BRAF: variants seen among roughly 807,000 people sequenced by gnomAD.
BRAF encodes serine/threonine-protein kinase B-raf.
Under a neutral mutation model 104.6 loss-of-function variants are expected in BRAF, and 16 were observed. The observed-to-expected ratio is 0.15, with a 90% CI of 0.10 to 0.23. The LOEUF is 0.23. BRAF is among the 10% of genes least tolerant of loss of function. The probability of loss-of-function intolerance (pLI) is 1.00; values close to 1 mark genes in which losing one functional copy is unlikely to be tolerated. For synonymous variants in BRAF, 310 were observed against 341.6 expected (o/e 0.91, Z 1.02); for missense variants, 541 against 937.3 (o/e 0.58, Z 5.52).
intron 16 of BRAF, among the ~76,000 whole-genome samples, chr7:140,752,530 G>A (rs1010648842): frequency 2.6e-5 from 4 of 152,230 alleles, no homozygotes; most frequent in African/African-American, 9.7e-5. Flanking sequence ...TGATTCATAT[G>A]ACTGAGCTTT....
intron 17 of BRAF, among the ~76,000 whole-genome samples, chr7:140,745,467 AAAG>A (rs1352549380): frequency 1.3e-5 from 2 of 152,182 alleles, no homozygotes; most frequent in Non-Finnish European, 2.9e-5. Context: ...GAAGAAACAG[AAAG>A]AAGAAAAAAG....
chr7:140,813,888 T>TACAC lies in BRAF; in HGVS notation c.505-4897_505-4894dup, dbSNP rs147877017. Among the ~76,000 whole-genome samples, 632 of 147,446 alleles carry TACAC rather than the reference T, an allele frequency of 4.3e-3. 1 individual carries two copies. Among genetic ancestry groups the TACAC allele is most frequent in the African/African-American group, 7.8e-3 (314 of 40,280 alleles). ...ATGCACATGCATGCGGACGCATACATACACACACACACACACACACACACA... is the reference window on the plus strand; with the variant it reads ...ATGCACATGCATGCGGACGCATACATACACACACACACACACACACACACACACA... On this transcript the variant is annotated intron_variant, in intron 3 of 19. Transcript: ENST00000644969.
In BRAF at chr7:140,726,369, A is replaced by C; in HGVS notation, c.*125T>G. 6.7e-7 allele frequency: 1 copy of C among 1,486,924 alleles called. No individual in the cohort carries two copies. Among genetic ancestry groups the C allele is most frequent in the Non-Finnish European group, 8.9e-7 (1 of 1,126,018 alleles). The allele number at this position is 1,486,924 out of a possible 1,614,324, so 92.1% of individuals were successfully genotyped here. A position where few individuals can be genotyped will look rare whatever the true frequency, so the allele number is the denominator to read the frequency against. ...GGGAAATTCCATTCTGTTCCACATC[A>C]GCTTATGCATTGGAAATTTTGTATC... On this transcript the variant is annotated 3_prime_UTR_variant, in exon 20 of 20. Coordinates refer to ENST00000644969, the MANE Select transcript of BRAF (RefSeq NM_001374258.1).
At chr7:140,840,150 T>C (rs1807781822) in intron 2 of BRAF, among the ~76,000 whole-genome samples, 1 of 152,232 alleles carries the variant, frequency 6.6e-6, no homozygotes, top group Non-Finnish European at 1.5e-5. Context: ...AGTCACTTTA[T>C]ACTAGACTTT....
At chr7:140,756,819 T>C (rs1036153997) in intron 14 of BRAF, among the ~76,000 whole-genome samples, 2 of 152,206 alleles carry the variant, frequency 1.3e-5, no homozygotes, top group African/African-American at 4.8e-5. Context: ...TCTCATTCCT[T>C]GAAGAAAAAG....
At chr7:140,843,670 T>C (rs994275595) in intron 2 of BRAF, among the ~76,000 whole-genome samples, 1 of 152,208 alleles carries the variant, frequency 6.6e-6, no homozygotes, top group African/African-American at 2.4e-5. Flanking sequence ...CATACATATA[T>C]ACACATGTAC....
Position 140,834,533 on chromosome 7 carries a change from T to C in BRAF, c.504+76A>G, listed in dbSNP as rs71645948. 1.2e-3 allele frequency: 1,919 copies of C among 1,562,744 alleles called. 23 individuals carry two copies. In the African/African-American group the frequency reaches 0.023, roughly 19 times the overall value. ...ATGACCTCTGAGTATGAAGTAATAATATATTAATTTTCAACAACTGATCTG... is the reference window on the plus strand; with the variant it reads ...ATGACCTCTGAGTATGAAGTAATAACATATTAATTTTCAACAACTGATCTG... On this transcript the variant is annotated intron_variant, in intron 3 of 19. Coordinates refer to ENST00000644969, the MANE Select transcript of BRAF (RefSeq NM_001374258.1).
At chr7:140,799,671 A>C (rs1020894759) in intron 7 of BRAF, 2 of 232,712 alleles carry the variant, frequency 8.6e-6, no homozygotes, top group Non-Finnish European at 1.7e-5. Flanking sequence ...CACCTTCTTC[A>C]TTAAGTTTTC....
chr7:140,764,484 A>G (rs1164895553), intron 14 of BRAF, among the ~76,000 whole-genome samples: 1 of 150,860 alleles, frequency 6.6e-6, no homozygotes, highest in Non-Finnish European at 1.5e-5. Flanking sequence ...AGGGTATTCA[A>G]TTAGGAAAAG....
At position 140,924,773 on chromosome 7, in the gene BRAF, G is replaced by C; in HGVS notation, c.-70C>G. ...GAGGGGGAAGGGAGGCGGAGAGCTG[G>C]GGGAGGCGGAGGCGGAGGCGGAGGC... On this transcript the variant is annotated 5_prime_UTR_variant, in exon 1 of 20. Coordinates refer to ENST00000644969, the MANE Select transcript of BRAF (RefSeq NM_001374258.1). This position sits in a 1 kb window ranked among gnomAD's most constrained non-coding sequence, Gnocchi z 4.2. 1 of 597,996 alleles carries C rather than the reference G, an allele frequency of 1.7e-6. No individual in the cohort carries two copies. The highest frequency in any genetic ancestry group is 2.9e-6 in the Non-Finnish European group (1 of 345,270). 37.0% of individuals were successfully genotyped at this position (597,996 alleles called of 1,614,324 possible).
chr7:140,816,420 G>A (rs929620137), intron 3 of BRAF, among the ~76,000 whole-genome samples: 4 of 152,122 alleles, frequency 2.6e-5, no homozygotes, highest in Admixed American at 6.6e-5. Context: ...CTATTTATTT[G>A]TACTGGTGAA....
At chr7:140,917,259 C>A (rs1451828763) in intron 1 of BRAF, among the ~76,000 whole-genome samples, 1 of 152,148 alleles carries the variant, frequency 6.6e-6, no homozygotes, top group Non-Finnish European at 1.5e-5. Context: ...GGGGGTTTCA[C>A]CATGTTGGCC....
In BRAF at chr7:140,721,768, C is replaced by G; in HGVS notation, c.*4726G>C. 1 of 1,477,190 alleles carries G rather than the reference C, an allele frequency of 6.8e-7. No individual in the cohort carries two copies. Among genetic ancestry groups the G allele is most frequent in the Non-Finnish European group, 8.9e-7 (1 of 1,118,192 alleles). The allele number at this position is 1,477,190 out of a possible 1,614,324, so 91.5% of individuals were successfully genotyped here. On this transcript the variant is annotated 3_prime_UTR_variant, in exon 20 of 20. Coordinates refer to ENST00000644969, the MANE Select transcript of BRAF (RefSeq NM_001374258.1). The stretch of plus-strand genomic sequence containing the variant: ...GAGGAATGAAACAAGATACAAGAAC[C>G]ACAGCATGGAATATGTTTTCTTTTA...
intron 2 of BRAF, among the ~76,000 whole-genome samples, chr7:140,839,234 G>A (rs571697822): frequency 1.3e-5 from 2 of 152,172 alleles, no homozygotes; most frequent in East Asian, 3.9e-4. Flanking sequence ...CAGCTCTTTG[G>A]GAGGTCAACG....
At position 140,720,732 on chromosome 7, in the gene BRAF, G is replaced by C. The variant is rs1195760201; in HGVS notation, c.*5762C>G. ...TCTGTGAGCTTTGTTGTTTATGCTA[G>C]TTTGCAGTGACTTCCAACTCATACT... On this transcript the variant is annotated 3_prime_UTR_variant, in exon 20 of 20. Coordinates refer to ENST00000644969, the MANE Select transcript of BRAF (RefSeq NM_001374258.1). 24 of 1,065,660 alleles carry C rather than the reference G, an allele frequency of 2.3e-5. No homozygotes were observed. Among genetic ancestry groups the C allele is most frequent in the Non-Finnish European group, 2.7e-5 (24 of 879,654 alleles). 66.0% of individuals were successfully genotyped at this position (1,065,660 alleles called of 1,614,324 possible).
At chr7:140,901,200 T>C (rs1453620193) in intron 1 of BRAF, among the ~76,000 whole-genome samples, 2 of 152,232 alleles carry the variant, frequency 1.3e-5, no homozygotes, top group African/African-American at 2.4e-5. Flanking sequence ...AGAAAAATTG[T>C]AAATACAAAT....
chr7:140,776,123 A>G (rs1800316464), intron 14 of BRAF, among the ~76,000 whole-genome samples: 1 of 152,196 alleles, frequency 6.6e-6, no homozygotes, highest in Non-Finnish European at 1.5e-5. Context: ...TTATCTGTAA[A>G]AAGAAAAAAG....
chr7:140,898,407 G>A (rs1468762228), intron 1 of BRAF, among the ~76,000 whole-genome samples: 1 of 152,068 alleles, frequency 6.6e-6, no homozygotes, highest in Non-Finnish European at 1.5e-5. Flanking sequence ...ATCCATAACA[G>A]AATACCTAAA....
chr7:140,886,893 T>C (rs1813628344), intron 1 of BRAF, among the ~76,000 whole-genome samples: 1 of 152,224 alleles, frequency 6.6e-6, no homozygotes, highest in South Asian at 2.1e-4. Flanking sequence ...TTTGATCTGA[T>C]TACACATTAT....
Sources: gnomAD v4.1 joint callset for allele counts (sites outside exome capture counted in the v4.1 genomes callset) on GRCh38, gnomAD v4.1.1 for gene constraint, Gnocchi (gnomAD v3.1) non-coding constraint, MANE v1.5 for transcripts, NCBI Gene and HGNC (gene_info 2026-07-23, HGNC 2026-07-21) for gene names.